PTPRN2: variants seen among roughly 807,000 people sequenced by gnomAD.
PTPRN2 encodes protein tyrosine phosphatase receptor type N2.
A neutral mutation model predicts 118.8 loss-of-function variants in PTPRN2; 74 were observed. The ratio of observed to expected loss-of-function variants is 0.62; its 90% CI spans 0.52 to 0.76. The LOEUF is 0.76. Ranked by LOEUF, PTPRN2 falls within the 30% of genes least tolerant of loss-of-function variation. The probability of loss-of-function intolerance (pLI) is 0.00; values close to 1 mark genes in which losing one functional copy is unlikely to be tolerated. For synonymous variants in PTPRN2, 641 were observed against 608.0 expected, an observed-to-expected ratio of 1.05 and a Z score of -0.80; for missense variants, 1,481 against 1,394.4, an observed-to-expected ratio of 1.06 and a Z score of -0.99.
intron 11 of PTPRN2, among the ~76,000 whole-genome samples, chr7:158,076,295 C>A (rs946889518): frequency 7.9e-5 from 12 of 152,348 alleles, no homozygotes; most frequent in Middle Eastern, 3.4e-3. Context: ...CACAGCTCCA[C>A]CCGGCCTGGC....
chr7:157,583,883 A>AACACACACACACACACACACACACAC lies in PTPRN2; in HGVS notation c.2497-5769_2497-5744dup, dbSNP rs35071475. Among the ~76,000 whole-genome samples, 1 of 134,158 alleles carries AACACACACACACACACACACACACAC rather than the reference A, an allele frequency of 7.5e-6. No individual in the cohort carries two copies. The highest frequency in any genetic ancestry group is 1.6e-5 in the Non-Finnish European group (1 of 62,974). The allele number at this position is 134,158 out of a possible 152,430, so 88.0% of individuals were successfully genotyped here. ...GGTGACAGAGCGAGACTCTGTCTCA[A>AACACACACACACACACACACACACAC]ACACACACACACACACACACACACA... is the stretch of plus-strand genomic sequence containing the variant. On this transcript the variant is annotated intron_variant, in intron 17 of 22. Coordinates refer to ENST00000389418, the MANE Select transcript of PTPRN2 (RefSeq NM_002847.5). This position sits in a 1 kb window ranked among gnomAD's most constrained non-coding sequence, Gnocchi z 5.5.
chr7:157,806,003 A>G (rs1805608542), intron 12 of PTPRN2, among the ~76,000 whole-genome samples: 4 of 152,154 alleles, frequency 2.6e-5, no homozygotes, highest in Admixed American at 2.0e-4. Context: ...TGCTGAGTGC[A>G]CCTGAAAGGC....
At chr7:158,296,943 G>A (rs1800545179) in intron 3 of PTPRN2, among the ~76,000 whole-genome samples, 2 of 152,356 alleles carry the variant, frequency 1.3e-5, no homozygotes, top group East Asian at 1.9e-4. Context: ...CTCTAAGGGA[G>A]GTGGAGCTTG....
At chr7:157,667,786 G>C (rs534771148) in intron 13 of PTPRN2, among the ~76,000 whole-genome samples, 2 of 152,222 alleles carry the variant, frequency 1.3e-5, no homozygotes, top group Non-Finnish European at 2.9e-5. Context: ...TAAACCCAGC[G>C]CGTCCGCACC....
At chr7:157,789,287 C>G (rs988850746) in intron 12 of PTPRN2, among the ~76,000 whole-genome samples, 1 of 152,228 alleles carries the variant, frequency 6.6e-6, no homozygotes, top group African/African-American at 2.4e-5. Flanking sequence ...AAGCTCCCCG[C>G]CCGGTGCCGC....
intron 3 of PTPRN2, among the ~76,000 whole-genome samples, chr7:158,263,463 C>T (rs4909160): frequency 0.04 from 6,098 of 152,320 alleles, 163 homozygotes; most frequent in East Asian, 0.11. Flanking sequence ...CATCTTCTCC[C>T]GACCGCATCC....
At chr7:158,278,501 G>A (rs565292760) in intron 3 of PTPRN2, among the ~76,000 whole-genome samples, 11 of 152,284 alleles carry the variant, frequency 7.2e-5, no homozygotes, top group South Asian at 4.1e-4. Context: ...AGCTGAGATC[G>A]CACCATTTGG....
chr7:158,442,838 T>G (rs1172349132), intron 2 of PTPRN2, among the ~76,000 whole-genome samples: 1 of 152,126 alleles, frequency 6.6e-6, no homozygotes. Flanking sequence ...GAAAATAAAA[T>G]GACACGTTTC....
At chr7:157,557,365 G>C (rs1798954489) in intron 21 of PTPRN2, among the ~76,000 whole-genome samples, 1 of 151,676 alleles carries the variant, frequency 6.6e-6, no homozygotes, top group Non-Finnish European at 1.5e-5. Flanking sequence ...CCTACATTCA[G>C]GATCACACAC....
At chr7:158,518,351 C>A (rs1017973490) in intron 1 of PTPRN2, among the ~76,000 whole-genome samples, 2 of 151,802 alleles carry the variant, frequency 1.3e-5, no homozygotes, top group Non-Finnish European at 2.9e-5. Flanking sequence ...AGAGATGATA[C>A]GGATTTCACG....
intron 2 of PTPRN2, among the ~76,000 whole-genome samples, chr7:158,394,986 C>G (rs1812233470): frequency 6.6e-6 from 1 of 152,224 alleles, no homozygotes; most frequent in Non-Finnish European, 1.5e-5. Context: ...AGGCCCTGCC[C>G]GTCCACACGA....
chr7:158,374,752 C>G (rs1175868895), intron 2 of PTPRN2, among the ~76,000 whole-genome samples: 3 of 152,096 alleles, frequency 2.0e-5, no homozygotes, highest in Non-Finnish European at 4.4e-5. Flanking sequence ...CTGGAGAAAC[C>G]AAGCATATCG....
chr7:157,653,599 CTGTGGCGTGAGTCTGTG>C (rs1805822559), intron 14 of PTPRN2, among the ~76,000 whole-genome samples: 1 of 152,128 alleles, frequency 6.6e-6, no homozygotes, highest in Non-Finnish European at 1.5e-5. Flanking sequence ...TGGAGCTCAC[CTGTGGCGTGAGTCTGTG>C]CCTCTCTGCT....
intron 2 of PTPRN2, among the ~76,000 whole-genome samples, chr7:158,334,637 C>A (rs1281738184): frequency 3.0e-5 from 3 of 100,022 alleles, no homozygotes; most frequent in African/African-American, 3.3e-5. Context: ...TCACTCACAC[C>A]CACACTCTCA....
chr7:157,641,074 A>C (rs1294616972), intron 14 of PTPRN2, among the ~76,000 whole-genome samples: 1 of 152,236 alleles, frequency 6.6e-6, no homozygotes, highest in African/African-American at 2.4e-5. Flanking sequence ...CACAACTGAA[A>C]TACTGAACAA....
At chr7:157,817,722 T>C (rs1806504456) in intron 12 of PTPRN2, among the ~76,000 whole-genome samples, 1 of 152,220 alleles carries the variant, frequency 6.6e-6, no homozygotes, top group South Asian at 2.1e-4. Flanking sequence ...AGAGGGTGTG[T>C]CCGTGTGGCC....
intron 11 of PTPRN2, among the ~76,000 whole-genome samples, chr7:158,071,005 TG>T (rs1811373401): frequency 1.2e-5 from 1 of 82,788 alleles, no homozygotes; most frequent in African/African-American, 6.0e-5. Context: ...GTGCTCATGG[TG>T]GTGGAGGTGC....
At chr7:157,792,392 T>C (rs1344172234) in intron 12 of PTPRN2, among the ~76,000 whole-genome samples, 1 of 152,232 alleles carries the variant, frequency 6.6e-6, no homozygotes, top group Admixed American at 6.5e-5. Flanking sequence ...CCCTCTTTGC[T>C]GTGGCTCTGG....
At chr7:158,277,913 T>C (rs1475713325) in intron 3 of PTPRN2, among the ~76,000 whole-genome samples, 1 of 152,134 alleles carries the variant, frequency 6.6e-6, no homozygotes, top group Non-Finnish European at 1.5e-5. Flanking sequence ...AGAAAGGCTC[T>C]CAGCCGGGCA....
Sources: allele counts gnomAD v4.1 joint callset (sites outside exome capture counted in the v4.1 genomes callset), GRCh38; gene constraint gnomAD v4.1.1; non-coding constraint Gnocchi (gnomAD v3.1); transcripts MANE v1.5; gene names NCBI Gene and HGNC (gene_info 2026-07-23, HGNC 2026-07-21).